Variants in ZNF804B observed in about 807,000 individuals in gnomAD.
The protein encoded by ZNF804B is zinc finger 804B.
ZNF804B carries 80 observed loss-of-function variants against 101.4 expected under a neutral mutation model. The observed-to-expected ratio is 0.79, with a 90% CI of 0.66 to 0.95. ZNF804B has a LOEUF of 0.95. ZNF804B is among the 40% of genes least tolerant of loss of function. The probability of loss-of-function intolerance (pLI) is 0.00; values close to 1 mark genes in which losing one functional copy is unlikely to be tolerated. For synonymous variants in ZNF804B, 622 were observed against 558.8 expected (o/e 1.11, Z -1.59); for missense variants, 1,673 against 1,561.9 (o/e 1.07, Z -1.20).
chr7:88,947,794 G>T (rs530958936), intron 1 of ZNF804B, among the ~76,000 whole-genome samples: 1 of 151,838 alleles, frequency 6.6e-6, no homozygotes, highest in East Asian at 2.0e-4. Context: ...AAACAATTCT[G>T]GTCCCAAGCA....
At chr7:89,152,622 T>A (rs1056156833) in intron 1 of ZNF804B, among the ~76,000 whole-genome samples, 1 of 152,136 alleles carries the variant, frequency 6.6e-6, no homozygotes, top group Non-Finnish European at 1.5e-5. Flanking sequence ...CATTTCTAGT[T>A]CATAAATTTA....
chr7:89,013,543 G>C (rs1375321417), intron 1 of ZNF804B, among the ~76,000 whole-genome samples: 1 of 152,028 alleles, frequency 6.6e-6, no homozygotes. Context: ...ATATTTATGG[G>C]GCACATAGTG....
At chr7:89,259,683 A>G (rs568906798) in intron 2 of ZNF804B, among the ~76,000 whole-genome samples, 5 of 152,276 alleles carry the variant, frequency 3.3e-5, no homozygotes, top group Non-Finnish European at 7.4e-5. Context: ...TGCTAGGGGC[A>G]TTGTCCAATA....
intron 3 of ZNF804B, among the ~76,000 whole-genome samples, chr7:89,331,165 T>C (rs1790971547): frequency 6.6e-6 from 1 of 151,646 alleles, no homozygotes; most frequent in East Asian, 1.9e-4. Context: ...TGGAGAAGAT[T>C]AACTTAATCC....
At chr7:89,024,552 G>A (rs1418469850) in intron 1 of ZNF804B, among the ~76,000 whole-genome samples, 4 of 149,070 alleles carry the variant, frequency 2.7e-5, no homozygotes, top group African/African-American at 9.9e-5. Flanking sequence ...TCATTAGGAG[G>A]CTTTGTAACT....
At chr7:89,130,927 C>T (rs1353087396) in intron 1 of ZNF804B, among the ~76,000 whole-genome samples, 1 of 151,934 alleles carries the variant, frequency 6.6e-6, no homozygotes, top group Non-Finnish European at 1.5e-5. Flanking sequence ...AACTGAACGA[C>T]CAAAGTTTAT....
chr7:89,001,930 A>G (rs912754292), intron 1 of ZNF804B, among the ~76,000 whole-genome samples: 7 of 151,654 alleles, frequency 4.6e-5, no homozygotes, highest in African/African-American at 1.7e-4. Flanking sequence ...CAGAATACAT[A>G]CAATTTTGTC....
intron 1 of ZNF804B, among the ~76,000 whole-genome samples, chr7:88,847,850 T>C (rs1430669248): frequency 6.6e-6 from 1 of 152,170 alleles, no homozygotes; most frequent in Non-Finnish European, 1.5e-5. Flanking sequence ...TTGCTTTGGT[T>C]CTTAGTTGGT....
chr7:88,929,965 T>C (rs1011086287), intron 1 of ZNF804B, among the ~76,000 whole-genome samples: 15 of 151,966 alleles, frequency 9.9e-5, no homozygotes, highest in Non-Finnish European at 1.9e-4. Context: ...CTTAAAAATT[T>C]AGATTGTTTT....
chr7:89,099,742 G>A (rs1470952367), intron 1 of ZNF804B, among the ~76,000 whole-genome samples: 2 of 152,168 alleles, frequency 1.3e-5, no homozygotes, highest in East Asian at 3.9e-4. Context: ...GAACTTGTAA[G>A]AATAAGGCAA....
intron 1 of ZNF804B, among the ~76,000 whole-genome samples, chr7:88,923,540 C>T (rs1024392645): frequency 7.9e-5 from 12 of 152,090 alleles, no homozygotes; most frequent in African/African-American, 2.9e-4. Context: ...TTGAAATGTT[C>T]ACCCTAGTTA....
intron 2 of ZNF804B, among the ~76,000 whole-genome samples, chr7:89,234,526 G>A (rs1189801747): frequency 2.0e-5 from 3 of 152,162 alleles, no homozygotes; most frequent in African/African-American, 7.2e-5. Flanking sequence ...GGGATGCCAA[G>A]ATGGCTGGTG....
chr7:89,081,606 A>G (rs1156943111), intron 1 of ZNF804B, among the ~76,000 whole-genome samples: 3 of 151,830 alleles, frequency 2.0e-5, no homozygotes, highest in African/African-American at 7.2e-5. Flanking sequence ...TCAACATTTA[A>G]GCAAATTAAA....
intron 1 of ZNF804B, among the ~76,000 whole-genome samples, chr7:89,133,339 G>A (rs186222282): frequency 7.2e-4 from 109 of 152,152 alleles, no homozygotes; most frequent in African/African-American, 2.5e-3. Flanking sequence ...AGTTAAGTAT[G>A]ACTCTTGTTT....
intron 1 of ZNF804B, among the ~76,000 whole-genome samples, chr7:89,132,619 A>G (rs772424145): frequency 5.3e-5 from 8 of 151,952 alleles, no homozygotes; most frequent in Non-Finnish European, 1.0e-4. Flanking sequence ...TATCATATCA[A>G]TTTTTTATGT....
At position 89,020,902 on chromosome 7, in the gene ZNF804B, C is replaced by T. The variant is rs538072500; in HGVS notation, c.109-197253C>T. Among the ~76,000 whole-genome samples the T allele has an allele frequency of 1.2e-4, 19 of 152,206 alleles. No individual in the cohort carries two copies. The East Asian group carries it at 2.3e-3, about 19-fold the overall frequency. ...CTTCATTTAATTATCTATATTATAT[C>T]GCACTGAATTTCCTTAAGATTATTA... On this transcript the variant is annotated intron_variant, in intron 1 of 3. Coordinates refer to ENST00000333190, the MANE Select transcript of ZNF804B (RefSeq NM_181646.5).
At chr7:89,041,039 C>A (rs143696660) in intron 1 of ZNF804B, among the ~76,000 whole-genome samples, 3 of 150,040 alleles carry the variant, frequency 2.0e-5, no homozygotes, top group Non-Finnish European at 4.5e-5. Context: ...TGAAGATCTC[C>A]TGGGGTAGGC....
chr7:89,210,642 C>A (rs1788788827), intron 1 of ZNF804B, among the ~76,000 whole-genome samples: 1 of 152,134 alleles, frequency 6.6e-6, no homozygotes, highest in Non-Finnish European at 1.5e-5. Flanking sequence ...TAATGGCTTC[C>A]ACTCCATCCA....
At chr7:89,308,013 G>A (rs778635117) in intron 2 of ZNF804B, among the ~76,000 whole-genome samples, 3 of 151,992 alleles carry the variant, frequency 2.0e-5, no homozygotes, top group Non-Finnish European at 2.9e-5. Context: ...AAATAGAGTT[G>A]TACTTTTGAA....
Sources: allele counts gnomAD v4.1 joint callset (sites outside exome capture counted in the v4.1 genomes callset), GRCh38; gene constraint gnomAD v4.1.1; transcripts MANE v1.5; gene names NCBI Gene and HGNC (gene_info 2026-07-23, HGNC 2026-07-21).